The following KLRF1 variants were observed in gnomAD, a reference collection of about 807,000 sequenced individuals.
KLRF1 encodes killer cell lectin-like receptor subfamily F member 1.
In KLRF1, 27 loss-of-function variants were observed where a neutral mutation model predicts 30.7. The ratio of observed to expected loss-of-function variants is 0.88; its 90% CI spans 0.65 to 1.21. The LOEUF is 1.21. Among genes scored for constraint, KLRF1 ranks in the 50% most tolerant of loss-of-function variants. KLRF1 has a pLI of 0.00. For synonymous variants in KLRF1, 92 were observed against 89.3 expected (o/e 1.03, Z -0.17); for missense variants, 246 against 259.3 (o/e 0.95, Z 0.35).
upstream of KLRF1, among the ~76,000 whole-genome samples, chr12:9,825,879 C>T (rs751788916): frequency 7.9e-5 from 12 of 152,154 alleles, no homozygotes; most frequent in Non-Finnish European, 1.3e-4. Flanking sequence ...AGATACTTTT[C>T]GTGTTTTATT....
At chr12:9,829,624 G>T (rs1272029773) in intron 1 of KLRF1, among the ~76,000 whole-genome samples, 1 of 152,096 alleles carries the variant, frequency 6.6e-6, no homozygotes, top group Non-Finnish European at 1.5e-5. Flanking sequence ...ATCAGTCATG[G>T]TGGCACATGC....
At chr12:9,806,123 A>G in the KLRF1 span, among the ~76,000 whole-genome samples, 19 of 151,706 alleles carry the variant, frequency 1.3e-4, no homozygotes, top group Non-Finnish European at 2.4e-4. Context: ...GTGGTAGCTT[A>G]GGTTATTATT....
At chr12:9,821,353 C>G in the KLRF1 span, among the ~76,000 whole-genome samples, 1 of 152,236 alleles carries the variant, frequency 6.6e-6, no homozygotes, top group East Asian at 1.9e-4. Flanking sequence ...GGTACTACTC[C>G]TGCTACCCTC....
upstream of KLRF1, among the ~76,000 whole-genome samples, chr12:9,825,260 T>TAAA (rs35934573): frequency 5.6e-4 from 78 of 138,070 alleles, 1 homozygote; most frequent in African/African-American, 1.9e-3. Context: ...AAGGTACTGG[T>TAAA]AAAAAAAAAA....
chr12:9,804,259 T>C, the KLRF1 span, among the ~76,000 whole-genome samples: 1 of 151,968 alleles, frequency 6.6e-6, no homozygotes, highest in East Asian at 1.9e-4. Context: ...TCTTTTCAGA[T>C]CTTTTGCCCA....
At chr12:9,800,122 G>A in the KLRF1 span, among the ~76,000 whole-genome samples, 1 of 152,010 alleles carries the variant, frequency 6.6e-6, no homozygotes, top group Non-Finnish European at 1.5e-5. Flanking sequence ...GGGATTACTG[G>A]ATTATATGGT....
At chr12:9,811,522 C>T in the KLRF1 span, among the ~76,000 whole-genome samples, 1 of 152,144 alleles carries the variant, frequency 6.6e-6, no homozygotes, top group Admixed American at 6.5e-5. Flanking sequence ...TCACTTGCCC[C>T]CTTAATGGTC....
chr12:9,841,291 A>G (rs1348609262), intron 3 of KLRF1, among the ~76,000 whole-genome samples: 1 of 151,876 alleles, frequency 6.6e-6, no homozygotes, highest in Non-Finnish European at 1.5e-5. Context: ...GAGGGAAAAA[A>G]CACACACTGG....
intron 3 of KLRF1, among the ~76,000 whole-genome samples, chr12:9,840,200 G>A (rs1444552819): frequency 1.3e-5 from 2 of 152,050 alleles, no homozygotes; most frequent in Non-Finnish European, 2.9e-5. Context: ...CGCTGGGGGA[G>A]TAGAAGATGA....
At chr12:9,815,855 G>A in the KLRF1 span, among the ~76,000 whole-genome samples, 27 of 152,162 alleles carry the variant, frequency 1.8e-4, no homozygotes, top group African/African-American at 6.3e-4. Flanking sequence ...TTTCACTCTT[G>A]TTGCCCAGGC....
At chr12:9,818,179 T>C in the KLRF1 span, among the ~76,000 whole-genome samples, 7 of 152,198 alleles carry the variant, frequency 4.6e-5, no homozygotes, top group African/African-American at 1.7e-4. Flanking sequence ...ATCACTACCA[T>C]AGAGCTGGAC....
the KLRF1 span, among the ~76,000 whole-genome samples, chr12:9,813,789 A>G: frequency 6.6e-6 from 1 of 152,128 alleles, no homozygotes; most frequent in Non-Finnish European, 1.5e-5. Flanking sequence ...TAGTGCAGGG[A>G]AAGTGTGTCC....
chr12:9,812,421 G>A, the KLRF1 span, among the ~76,000 whole-genome samples: 2 of 151,094 alleles, frequency 1.3e-5, no homozygotes, highest in Non-Finnish European at 2.9e-5. Context: ...CTGAGTTATG[G>A]TAGGACAGTC....
intron 1 of KLRF1, among the ~76,000 whole-genome samples, chr12:9,831,820 A>C (rs1229794396): frequency 6.6e-6 from 1 of 152,178 alleles, no homozygotes; most frequent in Non-Finnish European, 1.5e-5. Context: ...ATGACTTACA[A>C]AGGATTTTAG....
chr12:9,836,487 T>A (rs745591641), intron 3 of KLRF1, among the ~76,000 whole-genome samples: 42 of 152,086 alleles, frequency 2.8e-4, no homozygotes, highest in Non-Finnish European at 4.7e-4. Flanking sequence ...CCTCCAATAC[T>A]TCCACCCTGA....
chr12:9,818,250 A>G, the KLRF1 span, among the ~76,000 whole-genome samples: 1 of 152,274 alleles, frequency 6.6e-6, no homozygotes, highest in Admixed American at 6.5e-5. Context: ...GCTTGAATCA[A>G]CGTTAAGGAT....
upstream of KLRF1, among the ~76,000 whole-genome samples, chr12:9,827,197 T>C (rs1194142001): frequency 1.3e-5 from 2 of 152,180 alleles, no homozygotes. Flanking sequence ...AAGGCAGCTA[T>C]ATATTATTAA....
At position 9,833,610 on chromosome 12, in the gene KLRF1, G is replaced by A. The variant is rs751242954; in HGVS notation, c.334+158G>A. ...ACTCGATTTAGGTATCTTTAAACTT[G>A]TTGCAGTGGGAGAAAATGGTAAAAC... On this transcript the variant is annotated intron_variant, in intron 3 of 5. Transcript: ENST00000617889. 2.0e-5 allele frequency among the ~76,000 whole-genome samples: 3 copies of A among 152,246 alleles called. No homozygotes were observed. In the South Asian group the frequency reaches 6.2e-4, roughly 32 times the overall value.
chr12:9,813,662 A>G, the KLRF1 span, among the ~76,000 whole-genome samples: 1 of 152,132 alleles, frequency 6.6e-6, no homozygotes, highest in Non-Finnish European at 1.5e-5. Context: ...GGAATACAGC[A>G]TCTAAAAGAA....
Sources: allele counts gnomAD v4.1 joint callset (sites outside exome capture counted in the v4.1 genomes callset), GRCh38; gene constraint gnomAD v4.1.1; transcripts MANE v1.5; gene names NCBI Gene and HGNC (gene_info 2026-07-23, HGNC 2026-07-21).